The following MARF1 variants were observed in gnomAD, a reference collection of about 807,000 sequenced individuals.
MARF1 encodes limkain-b1.
Under a neutral mutation model 168.2 loss-of-function variants are expected in MARF1, and 24 were observed. That is an observed-to-expected ratio of 0.14 (90% confidence interval 0.10 to 0.20). The LOEUF (loss-of-function observed/expected upper bound fraction) is 0.20, where lower values mean the gene tolerates loss of function less well. MARF1 is among the 10% of genes least tolerant of loss of function. The pLI is 1.00. For missense variants in MARF1, 1,744 were observed against 2,143.6 expected, an observed-to-expected ratio of 0.81 and a Z score of 3.68; for synonymous variants, 868 against 822.4, an observed-to-expected ratio of 1.06 and a Z score of -0.95.
chr16:15,611,831 A>G, intron 17 of MARF1, 97 bp from the exon 18 acceptor site: 1 of 985,258 alleles, frequency 1.0e-6, no homozygotes, highest in Non-Finnish European at 1.5e-6. Context: ...TCAGAGCATG[A>G]CTCCCTTTAT....
intron 22 of MARF1, among the ~76,000 whole-genome samples, chr16:15,603,716 AT>A (rs1416708850): frequency 2.0e-5 from 3 of 152,052 alleles, no homozygotes; most frequent in Non-Finnish European, 4.4e-5. Flanking sequence ...TGCATGCAGT[AT>A]TCTCTTAAGA....
At position 15,600,486 on chromosome 16, in the gene MARF1, G is replaced by A. The variant is rs1283971496; in HGVS notation, c.4755C>T (p.Ile1585=). The change falls in exon 25 of 27, where the codon ATC becomes ATT. Residue 1585 remains isoleucine (I), a synonymous_variant. Transcript: ENST00000396368. ...HENQPSEGER[I]LEVPESHTAS... ...CTGTGTGCGATTCGGGCACCTCCAG[G>A]ATGCGCTCGCCCTCCGAGGGCTGGT... 4 of 1,614,176 alleles carry A rather than the reference G, an allele frequency of 2.5e-6. No individual in the cohort carries two copies. Among genetic ancestry groups the A allele is most frequent in the Admixed American group, 1.7e-5 (1 of 60,016 alleles).
At chr16:15,631,288 G>T (rs2035235700) in intron 6 of MARF1, 93 bp downstream of exon 6, 9 of 844,914 alleles carry the variant, frequency 1.1e-5, no homozygotes, top group Admixed American at 1.9e-5. Context: ...CAGCCTCTTT[G>T]GGGATACATT....
rs2034720262 is a variant in MARF1 at position 15,624,803 on chromosome 16, T to C, written c.2236A>G (p.Ser746Gly). 2.5e-6 allele frequency: 4 copies of C among 1,614,242 alleles called. No homozygotes were observed. In the Admixed American group the frequency reaches 5.0e-5, roughly 20 times the overall value. Residue 746 changes from serine (S) to glycine (G), a missense_variant, in exon 10 of 27, where the codon AGT becomes GGT. Transcript: ENST00000396368. ...CAAGACTGAGATGCGAGCAGAGGAC[T>C]GACTTGCCTGGATGCAACTAACTTG... ...FSKLVASRQVSPLLASQSWSS... is the reference protein window; with the variant it reads ...FSKLVASRQVGPLLASQSWSS...
At chr16:15,639,985 C>G (rs2035845455) in intron 1 of MARF1, among the ~76,000 whole-genome samples, 2 of 152,164 alleles carry the variant, frequency 1.3e-5, no homozygotes, top group South Asian at 4.1e-4. Context: ...CTTGCATATT[C>G]CAGAGTGAGA....
intron 6 of MARF1, among the ~76,000 whole-genome samples, chr16:15,630,710 A>G (rs1048443700): frequency 1.3e-5 from 2 of 152,286 alleles, no homozygotes; most frequent in East Asian, 3.9e-4. Flanking sequence ...CACATATGTT[A>G]CTTTCAGTAT....
chr16:15,611,573 G>C lies in MARF1; in HGVS notation c.3617+19C>G. The C allele has an allele frequency of 6.2e-7, 1 of 1,606,902 alleles. No homozygotes were observed. The highest frequency in any genetic ancestry group is 8.5e-7 in the Non-Finnish European group (1 of 1,175,876). On this transcript the variant is annotated intron_variant, in intron 18 of 26. Transcript: ENST00000396368. ...TCCTAAAATATTTACTTTCATTTCT[G>C]TTCTTTTCATCAACTCACCAGTGAT...
intron 7 of MARF1, among the ~76,000 whole-genome samples, chr16:15,628,262 T>A (rs1453338989): frequency 6.6e-6 from 1 of 152,172 alleles, no homozygotes; most frequent in Non-Finnish European, 1.5e-5. Context: ...TTTTTAAACG[T>A]ACATTTTTTA....
At chr16:15,600,316 A>C (rs2032283799) in intron 25 of MARF1, 112 bp downstream of exon 25, 1 of 1,396,350 alleles carries the variant, frequency 7.2e-7, no homozygotes. Flanking sequence ...TGGCTATGTA[A>C]CTTCAGCAGA....
At chr16:15,612,455 GA>G in intron 17 of MARF1, 101 bp downstream of exon 17, 1 of 1,032,880 alleles carries the variant, frequency 9.7e-7, no homozygotes, top group Non-Finnish European at 1.5e-6. Flanking sequence ...GTTCTGCCCA[GA>G]ACTGACTTCT....
Position 15,604,269 on chromosome 16 carries a change from T to C in MARF1, c.4312A>G (p.Lys1438Glu), listed in dbSNP as rs2032804210. Residue 1438 changes from lysine (K) to glutamate (E), a missense_variant, in exon 22 of 27, where the codon AAG becomes GAG. Coordinates refer to ENST00000396368, the MANE Select transcript of MARF1 (RefSeq NM_014647.4). ...TTGTGGGTACTTTCGTAATGTCTCT[T>C]GAGCTCCTCAACAGAAAGATGGGTG... ...GTTHLSVEEL[K>E]RHYESTHNTP... 1.9e-6 allele frequency: 3 copies of C among 1,614,172 alleles called. No individual in the cohort carries two copies. The highest frequency in any genetic ancestry group is 1.6e-4 in the Middle Eastern group (1 of 6,062).
rs760886285 is a variant in MARF1, at chr16:15,602,076, G to A, written c.4541C>T (p.Ala1514Val). The change falls in exon 23 of 27, where the codon GCC becomes GTC. Residue 1514 changes from alanine (A) to valine (V), a missense_variant. By Grantham distance (64) the Ala-to-Val change is moderately conservative. Around this residue, in one of 7 missense-constraint regions of MARF1, gnomAD observed 313 missense variants for 337.4 expected, o/e 0.93. Coordinates refer to ENST00000396368, the MANE Select transcript of MARF1 (RefSeq NM_014647.4). ...QQIFLHEFSM[A>V]YTKYVGETLQ... The stretch of plus-strand genomic sequence containing the variant: ...AGTTTCTCCGACATACTTGGTATAG[G>A]CCATGGAAAACTCATGAAGGAAAAT... The A allele has an allele frequency of 4.3e-6, 7 of 1,614,190 alleles. No individual in the cohort carries two copies. In the South Asian group the frequency reaches 5.5e-5, roughly 13 times the overall value.
intron 1 of MARF1, among the ~76,000 whole-genome samples, chr16:15,640,764 C>G (rs1284215362): frequency 6.6e-6 from 1 of 152,200 alleles, no homozygotes; most frequent in African/African-American, 2.4e-5. Flanking sequence ...AATTGGGACA[C>G]AGACACACTC....
intron 25 of MARF1, among the ~76,000 whole-genome samples, chr16:15,599,603 C>T (rs982387962): frequency 6.6e-6 from 1 of 152,208 alleles, no homozygotes; most frequent in African/African-American, 2.4e-5. Context: ...CGTGCTATCT[C>T]GCCGCATGTT....
intron 1 of MARF1, 123 bp from the exon 2 acceptor site, chr16:15,639,414 G>C: frequency 1.5e-6 from 1 of 673,218 alleles, no homozygotes; most frequent in South Asian, 2.1e-5. Flanking sequence ...TCAAATCTTT[G>C]TTTCAAGAGG....
chr16:15,623,910 C>CTTT (rs1168260036), intron 10 of MARF1, among the ~76,000 whole-genome samples: 11 of 132,822 alleles, frequency 8.3e-5, no homozygotes, highest in South Asian at 4.8e-4. Flanking sequence ...GTCACTTTCT[C>CTTT]TTTTTTTTTT....
At chr16:15,629,249 G>A (rs2151249044) in intron 7 of MARF1, among the ~76,000 whole-genome samples, 1 of 152,236 alleles carries the variant, frequency 6.6e-6, no homozygotes. Context: ...ACAAAGGTGA[G>A]TTAGGAAAGA....
chr16:15,620,719 G>A (rs2042566463), intron 12 of MARF1, among the ~76,000 whole-genome samples, 188 bp from the exon 13 acceptor site: 2 of 152,098 alleles, frequency 1.3e-5, no homozygotes, highest in East Asian at 1.9e-4. Context: ...AGAAGATTAC[G>A]TTACACAGTA....
In MARF1 at chr16:15,601,900, T is replaced by C. The variant is rs1254818791; in HGVS notation, c.4626+91A>G. 4.6e-5 allele frequency: 49 copies of C among 1,054,866 alleles called. No homozygotes were observed. The South Asian group carries it at 5.8e-4, about 12-fold the overall frequency. The allele number at this position is 1,054,866 out of a possible 1,614,324, so 65.3% of individuals were successfully genotyped here. A position where few individuals can be genotyped will look rare whatever the true frequency, so the allele number is the denominator to read the frequency against. ...TCAATTCAAAATGCCTGCCGTTCCATTATTCTGGCAGCATTTTATTTTTCT... is the reference window on the plus strand; with the variant it reads ...TCAATTCAAAATGCCTGCCGTTCCACTATTCTGGCAGCATTTTATTTTTCT... On this transcript the variant is annotated intron_variant, in intron 23 of 26. Transcript: ENST00000396368.
Sources: allele counts gnomAD v4.1 joint callset (sites outside exome capture counted in the v4.1 genomes callset), GRCh38; gene constraint gnomAD v4.1.1; regional missense constraint gnomAD v4.1.1; transcripts MANE v1.5; gene names NCBI Gene and HGNC (gene_info 2026-07-23, HGNC 2026-07-21).